The following SLC18A1 variants were observed in gnomAD, a reference collection of about 807,000 sequenced individuals.
The protein encoded by SLC18A1 is solute carrier family 18 member A1.
In SLC18A1, 69 loss-of-function variants were observed where a neutral mutation model predicts 53.7. The observed-to-expected ratio is 1.28, with a 90% CI of 1.06 to 1.57. The LOEUF (loss-of-function observed/expected upper bound fraction) is 1.57. Among genes scored for constraint, SLC18A1 ranks in the 40% most tolerant of loss-of-function variants. SLC18A1 has a pLI of 0.00. For synonymous variants in SLC18A1, 320 were observed against 248.1 expected (o/e 1.29, Z -2.72); for missense variants, 932 against 668.1 (o/e 1.40, Z -4.35).
intron 10 of SLC18A1, among the ~76,000 whole-genome samples, chr8:20,155,307 A>G (rs1342832089): frequency 1.3e-5 from 2 of 152,210 alleles, no homozygotes; most frequent in Non-Finnish European, 2.9e-5. Flanking sequence ...CCTTAGAATC[A>G]GAGGAAAATA....
chr8:20,176,238 T>TA (rs1344054057), intron 4 of SLC18A1, among the ~76,000 whole-genome samples: 2 of 152,032 alleles, frequency 1.3e-5, no homozygotes, highest in South Asian at 2.1e-4. Flanking sequence ...AGCTGCTGGT[T>TA]AAAAAAAGGC....
chr8:20,155,494 G>C (rs570177202), intron 10 of SLC18A1, among the ~76,000 whole-genome samples: 1 of 152,102 alleles, frequency 6.6e-6, no homozygotes, highest in Non-Finnish European at 1.5e-5. Context: ...GCCGAAGGCC[G>C]ACTAGAGGCA....
intron 4 of SLC18A1, among the ~76,000 whole-genome samples, chr8:20,176,733 A>G (rs1261296322): frequency 2.0e-5 from 3 of 152,234 alleles, no homozygotes; most frequent in Non-Finnish European, 4.4e-5. Flanking sequence ...GGCCAACTCC[A>G]TATAGCAACA....
At chr8:20,182,008 C>T (rs2072440916) in intron 1 of SLC18A1, 1 of 152,174 alleles carries the variant, frequency 6.6e-6, no homozygotes, top group African/African-American at 2.4e-5. Flanking sequence ...GATTTCATAT[C>T]ATTAGTCAGC....
At chr8:20,148,214 ATGGAAAAGAAT>A in intron 12 of SLC18A1, 144 bp from the exon 13 acceptor site, 1 of 731,212 alleles carries the variant, frequency 1.4e-6, no homozygotes, top group South Asian at 1.8e-5. Context: ...AGACTTTCTC[ATGGAAAAGAAT>A]CTATACCTCC....
At chr8:20,149,020 C>T (rs946538718) in intron 12 of SLC18A1, among the ~76,000 whole-genome samples, 2 of 152,050 alleles carry the variant, frequency 1.3e-5, no homozygotes, top group Non-Finnish European at 2.9e-5. Flanking sequence ...AACCCGGATC[C>T]CATGCTCCTG....
chr8:20,145,256 G>C lies in SLC18A1; in HGVS notation c.*507C>G, dbSNP rs1010449160. ...AAAAAAACAAAACAAAACTCTTCAA[G>C]CTGGCATTTGGCAGCAAGACAATGC... On this transcript the variant is annotated 3_prime_UTR_variant, in exon 16 of 16. Transcript: ENST00000276373. 10 of 151,810 alleles carry C rather than the reference G, an allele frequency of 6.6e-5. No individual in the cohort carries two copies. Among genetic ancestry groups the C allele is most frequent in the African/African-American group, 2.4e-4 (10 of 41,270 alleles). The allele number at this position is 151,810 out of a possible 1,614,324, so 9.4% of individuals were successfully genotyped here. A position where few individuals can be genotyped will look rare whatever the true frequency, so the allele number is the denominator to read the frequency against.
intron 10 of SLC18A1, among the ~76,000 whole-genome samples, chr8:20,163,358 G>T (rs1052839061): frequency 1.3e-5 from 2 of 152,026 alleles, no homozygotes; most frequent in Non-Finnish European, 2.9e-5. Context: ...ATAAATTTTG[G>T]GGGACACATT....
intron 2 of SLC18A1, among the ~76,000 whole-genome samples, chr8:20,180,243 T>G (rs1228523318): frequency 6.6e-6 from 1 of 152,002 alleles, no homozygotes; most frequent in Non-Finnish European, 1.5e-5. Context: ...GAGAAGTGAT[T>G]GTATTGGATT....
intron 12 of SLC18A1, 96 bp from the exon 13 acceptor site, chr8:20,148,166 T>TGCACTATTGGCCACATACATCATC: frequency 9.3e-7 from 1 of 1,081,080 alleles, no homozygotes. Flanking sequence ...TTATTCAGAG[T>TGCACTATTGGCCACATACATCATC]GCACTATTGG....
intron 1 of SLC18A1, chr8:20,181,671 C>T (rs1271695779): frequency 6.6e-6 from 1 of 152,070 alleles, no homozygotes; most frequent in African/African-American, 2.4e-5. Context: ...GACCTTTGTT[C>T]TAGGTGCTAC....
intron 8 of SLC18A1, among the ~76,000 whole-genome samples, 178 bp downstream of exon 8, chr8:20,170,925 C>T (rs552942440): frequency 1.3e-5 from 2 of 152,302 alleles, no homozygotes; most frequent in South Asian, 2.1e-4. Flanking sequence ...AAGCCAAATA[C>T]GTCACTATCC....
intron 10 of SLC18A1, among the ~76,000 whole-genome samples, chr8:20,164,372 T>C (rs2071900784): frequency 6.6e-6 from 1 of 152,130 alleles, no homozygotes; most frequent in African/African-American, 2.4e-5. Flanking sequence ...CAAAGGGTAG[T>C]CTTGAGGATG....
At chr8:20,153,941 G>A (rs1309920886) in intron 10 of SLC18A1, among the ~76,000 whole-genome samples, 1 of 152,180 alleles carries the variant, frequency 6.6e-6, no homozygotes, top group East Asian at 1.9e-4. Flanking sequence ...GGGGCTGAGT[G>A]GGAGGTGTTT....
Position 20,171,617 on chromosome 8 carries a change from C to T in SLC18A1, c.725-123G>A. ...GCTAGGGGCTAAGCTCCACCTGAGG[C>T]TCTGGGAATTCAGAGATGGAGACAT... On this transcript the variant is annotated intron_variant, in intron 6 of 15. Coordinates refer to ENST00000276373, the MANE Select transcript of SLC18A1 (RefSeq NM_003053.4). The T allele has an allele frequency of 4.2e-6, 3 of 721,792 alleles. No individual in the cohort carries two copies. In the South Asian group the frequency reaches 4.8e-5, roughly 12 times the overall value. The allele number at this position is 721,792 out of a possible 1,614,324, so 44.7% of individuals were successfully genotyped here. A position where few individuals can be genotyped will look rare whatever the true frequency, so the allele number is the denominator to read the frequency against.
chr8:20,174,953 T>A (rs1343746372), intron 4 of SLC18A1, among the ~76,000 whole-genome samples: 1 of 152,244 alleles, frequency 6.6e-6, no homozygotes, highest in Non-Finnish European at 1.5e-5. Context: ...GATCCTTTTT[T>A]ATATCTTATA....
In SLC18A1 at chr8:20,150,712, G is replaced by A. The variant is rs745919058; in HGVS notation, c.1048C>T (p.Leu350Phe). ...ACACCAAAGAGGTTGGTGCCAATGA[G>A]GTAGGACACACTGGCAGGCAAGAAA... Reference protein sequence around the residue: ...LAFLPASVSYLIGTNLFGVLA... With the variant: ...LAFLPASVSYFIGTNLFGVLA... The change falls in exon 11 of 16, where the codon CTC (leucine) becomes TTC (phenylalanine). Residue 350 changes from leucine (L) to phenylalanine (F), a missense_variant. Transcript: ENST00000276373. 32 of 1,614,048 alleles carry A rather than the reference G, an allele frequency of 2.0e-5. No individual in the cohort carries two copies. In the Admixed American group the frequency reaches 4.3e-4, roughly 22 times the overall value.
At chr8:20,147,509 T>C in intron 14 of SLC18A1, 94 bp downstream of exon 14, 1 of 1,584,596 alleles carries the variant, frequency 6.3e-7, no homozygotes, top group East Asian at 2.2e-5. Context: ...GCGTCAAAGA[T>C]CTCCAGAACC....
Position 20,165,087 on chromosome 8 carries a change from G to A in SLC18A1, c.879C>T (p.Leu293=). The stretch of plus-strand genomic sequence containing the variant: ...TGTAAGGGTCTTTGAGAAGCATAAA[G>A]AGGGGAGTCCCCTTGGCACTCTGAG... ...VSPESAKGTP[L]FMLLKDPYIL... is the part of the protein sequence containing the mutation. Residue 293 remains leucine, a synonymous_variant, in exon 9 of 16, where the codon CTC becomes CTT. Transcript: ENST00000276373. 2 of 1,614,222 alleles carry A rather than the reference G, an allele frequency of 1.2e-6. No homozygotes were observed. The highest frequency in any genetic ancestry group is 1.7e-6 in the Non-Finnish European group (2 of 1,180,024).
Sources: gnomAD v4.1 joint callset for allele counts (sites outside exome capture counted in the v4.1 genomes callset) on GRCh38, gnomAD v4.1.1 for gene constraint, MANE v1.5 for transcripts, NCBI Gene and HGNC (gene_info 2026-07-23, HGNC 2026-07-21) for gene names.